ROBO2: variants seen among roughly 807,000 people sequenced by gnomAD.
ROBO2 encodes the protein roundabout homolog 2.
In ROBO2, 53 loss-of-function variants were observed where a neutral mutation model predicts 160.8. That is an observed-to-expected ratio of 0.33 (90% confidence interval 0.26 to 0.41). The LOEUF (loss-of-function observed/expected upper bound fraction) is 0.41. Ranked by LOEUF, ROBO2 falls within the 10% of genes least tolerant of loss-of-function variation. ROBO2 has a pLI of 1.00. For synonymous variants in ROBO2, 664 were observed against 611.7 expected, an observed-to-expected ratio of 1.09 and a Z score of -1.26; for missense variants, 1,577 against 1,722.4, an observed-to-expected ratio of 0.92 and a Z score of 1.49.
At chr3:76,387,609 C>A (rs1057251219) in intron 2 of ROBO2, among the ~76,000 whole-genome samples, 6 of 152,072 alleles carry the variant, frequency 3.9e-5, no homozygotes, top group African/African-American at 1.2e-4. Flanking sequence ...TTCAAGTCTG[C>A]AAAACAGCCC....
chr3:76,260,127 C>A (rs757278160), intron 2 of ROBO2, among the ~76,000 whole-genome samples: 1 of 152,090 alleles, frequency 6.6e-6, no homozygotes, highest in Non-Finnish European at 1.5e-5. Context: ...TATCACCCTG[C>A]AGAAAAGTGC....
intron 2 of ROBO2, among the ~76,000 whole-genome samples, chr3:75,986,894 C>A (rs1284739631): frequency 6.6e-6 from 1 of 151,548 alleles, no homozygotes; most frequent in Non-Finnish European, 1.5e-5. Context: ...TGTGAAGATT[C>A]ATTTCTGGGA....
At chr3:75,907,829 G>A (rs987915305) in intron 1 of ROBO2, among the ~76,000 whole-genome samples, 2 of 148,422 alleles carry the variant, frequency 1.3e-5, no homozygotes, top group Admixed American at 6.7e-5. Flanking sequence ...TTTTACATTT[G>A]CTTCATTTTT....
chr3:76,235,303 G>A (rs1028860958), intron 2 of ROBO2, among the ~76,000 whole-genome samples: 6 of 152,122 alleles, frequency 3.9e-5, no homozygotes, highest in Non-Finnish European at 5.9e-5. Flanking sequence ...CACACACAGG[G>A]AAGAAGGCCA....
intron 2 of ROBO2, among the ~76,000 whole-genome samples, chr3:76,591,807 T>C (rs187415575): frequency 1.5e-3 from 222 of 152,214 alleles, no homozygotes; most frequent in Middle Eastern, 0.014. Context: ...TAATTTTATT[T>C]TTACTGTTTT....
intron 2 of ROBO2, among the ~76,000 whole-genome samples, chr3:77,163,502 T>C (rs2078678706): frequency 6.6e-6 from 1 of 152,242 alleles, no homozygotes; most frequent in Non-Finnish European, 1.5e-5. Context: ...TTCACAATGC[T>C]GTGTATTTTT....
At chr3:77,184,417 C>CA (rs1418277176) in intron 2 of ROBO2, among the ~76,000 whole-genome samples, 2 of 151,662 alleles carry the variant, frequency 1.3e-5, no homozygotes, top group African/African-American at 4.8e-5. Flanking sequence ...ATATTATATG[C>CA]AAAAAAGGAA....
intron 20 of ROBO2, among the ~76,000 whole-genome samples, chr3:77,603,471 C>T (rs1334349828): frequency 6.6e-6 from 1 of 151,964 alleles, no homozygotes; most frequent in African/African-American, 2.4e-5. Flanking sequence ...TATTTTTGGA[C>T]AAGATTTCGA....
intron 2 of ROBO2, among the ~76,000 whole-genome samples, chr3:76,813,703 C>G (rs2065402203): frequency 6.6e-6 from 1 of 152,104 alleles, no homozygotes; most frequent in Admixed American, 6.6e-5. Flanking sequence ...TGGTAACTCA[C>G]AGGAGAAACT....
chr3:77,146,957 A>T (rs1412034824), intron 2 of ROBO2, among the ~76,000 whole-genome samples: 1 of 152,058 alleles, frequency 6.6e-6, no homozygotes, highest in African/African-American at 2.4e-5. Flanking sequence ...ACAGAGCGAG[A>T]CTCTGTCTCA....
intron 2 of ROBO2, among the ~76,000 whole-genome samples, chr3:76,720,497 G>C (rs1357526138): frequency 1.3e-5 from 2 of 152,246 alleles, no homozygotes; most frequent in South Asian, 4.1e-4. Flanking sequence ...CTCTCTGAAA[G>C]GAACAGTAAC....
intron 2 of ROBO2, among the ~76,000 whole-genome samples, chr3:76,012,681 T>A (rs961641669): frequency 1.2e-4 from 18 of 152,210 alleles, no homozygotes; most frequent in Non-Finnish European, 2.4e-4. Flanking sequence ...AAGACTTTTT[T>A]AAAAATCCGT....
At position 77,262,133 on chromosome 3, in the gene ROBO2, C is replaced by T. The variant is rs1399187185; in HGVS notation, c.388+163793C>T. Among the ~76,000 whole-genome samples, 3 of 152,132 alleles carry T rather than the reference C, an allele frequency of 2.0e-5. No homozygotes were observed. The East Asian group carries it at 5.8e-4, about 29-fold the overall frequency. On this transcript the variant is annotated intron_variant, in intron 2 of 25. Coordinates refer to ENST00000461745, the Ensembl canonical transcript of ROBO2. ...TTCACAAAACTATTATAGTTGGACACAAATATATCAACAACTCCATCATTT... is the reference window on the plus strand; with the variant it reads ...TTCACAAAACTATTATAGTTGGACATAAATATATCAACAACTCCATCATTT...
intron 2 of ROBO2, among the ~76,000 whole-genome samples, chr3:76,506,413 C>T (rs1248679279): frequency 6.6e-6 from 1 of 152,132 alleles, no homozygotes; most frequent in Non-Finnish European, 1.5e-5. Flanking sequence ...GATTACATGT[C>T]ATCCTTCAAT....
At chr3:75,924,620 C>T (rs927223773) in intron 1 of ROBO2, among the ~76,000 whole-genome samples, 1 of 143,334 alleles carries the variant, frequency 7.0e-6, no homozygotes, top group East Asian at 2.1e-4. Context: ...TTATTTTTCT[C>T]TATTTGATGT....
At chr3:76,363,238 G>C (rs1337818945) in intron 2 of ROBO2, among the ~76,000 whole-genome samples, 1 of 151,726 alleles carries the variant, frequency 6.6e-6, no homozygotes, top group African/African-American at 2.4e-5. Context: ...TGCACACACA[G>C]AGGGAATCAG....
At chr3:77,055,577 A>G (rs140700128) in intron 1 of ROBO2, among the ~76,000 whole-genome samples, 64 of 152,308 alleles carry the variant, frequency 4.2e-4, no homozygotes, top group African/African-American at 1.4e-3. Context: ...TGTGAGGGTT[A>G]TAAAGAGTTA....
At chr3:76,278,069 A>G (rs1467361720) in intron 2 of ROBO2, among the ~76,000 whole-genome samples, 1 of 151,928 alleles carries the variant, frequency 6.6e-6, no homozygotes, top group Non-Finnish European at 1.5e-5. Context: ...AAACGGTGAA[A>G]TGCAATATTG....
intron 2 of ROBO2, among the ~76,000 whole-genome samples, chr3:76,858,217 C>T (rs139505305): frequency 1.1e-4 from 16 of 152,226 alleles, no homozygotes; most frequent in Non-Finnish European, 2.2e-4. Flanking sequence ...GACGGGAGGA[C>T]GGGCCATTAT....
Sources: allele counts gnomAD v4.1 joint callset (sites outside exome capture counted in the v4.1 genomes callset), GRCh38; gene constraint gnomAD v4.1.1; transcripts MANE v1.5; gene names NCBI Gene and HGNC (gene_info 2026-07-23, HGNC 2026-07-21).